Variants in HAUS7 observed in about 807,000 individuals in gnomAD.
The protein encoded by HAUS7 is HAUS augmin-like complex subunit 7.
HAUS7 carries 3 observed loss-of-function variants against 28.4 expected under a neutral mutation model. The observed-to-expected ratio is 0.11, with a 90% confidence interval of 0.05 to 0.27. The LOEUF (loss-of-function observed/expected upper bound fraction) is 0.27. HAUS7 is among the 10% of genes least tolerant of loss of function. The probability of loss-of-function intolerance (pLI) is 1.00; values close to 1 mark genes in which losing one functional copy is unlikely to be tolerated. For missense variants in HAUS7, 284 were observed against 297.3 expected, an observed-to-expected ratio of 0.96 and a Z score of 0.33; for synonymous variants, 165 against 132.1, an observed-to-expected ratio of 1.25 and a Z score of -1.71.
At chrX:153,490,403 C>T (rs1440043679) in intron 1 of HAUS7, among the ~76,000 whole-genome samples, 2 of 112,954 alleles carry the variant, frequency 1.8e-5, no homozygotes, top group African/African-American at 6.4e-5. Context: ...AGCCACACCT[C>T]GGCCATCCAG....
intron 1 of HAUS7, among the ~76,000 whole-genome samples, chrX:153,470,035 C>T (rs958476301): frequency 1.8e-5 from 2 of 111,874 alleles, no homozygotes; most frequent in Non-Finnish European, 3.8e-5. Context: ...AGGCTATCAC[C>T]CCTGGCATCT....
chrX:153,447,886 C>G lies in HAUS7; in HGVS notation c.1069G>C (p.Glu357Gln). The G allele has an allele frequency of 8.3e-7, 1 of 1,203,163 alleles. No individual in the cohort carries two copies. Among genetic ancestry groups the G allele is most frequent in the Non-Finnish European group, 1.1e-6 (1 of 887,415 alleles). ...SLATKMNELMEK is the reference protein window; with the variant it reads ...SLATKMNELMQK ...CCATCACTGAAGACTTTCTATTTCTCCATTAGTTCATTCATCTTGGTAGCT... is the reference window on the plus strand; with the variant it reads ...CCATCACTGAAGACTTTCTATTTCTGCATTAGTTCATTCATCTTGGTAGCT... The change falls in exon 10 of 10, where the codon GAG becomes CAG. Residue 357 changes from glutamate to glutamine, a missense_variant. By Grantham distance (29) the Glu-to-Gln change is conservative (BLOSUM62 2). Transcript: ENST00000370211.
chrX:153,490,736 G>C (rs782026649), intron 1 of HAUS7, among the ~76,000 whole-genome samples: 18 of 112,780 alleles, frequency 1.6e-4, no homozygotes, highest in Non-Finnish European at 3.2e-4. Context: ...GTGAGTGACA[G>C]GTCCCTGGAT....
chrX:153,470,831 GAAGGAGGCGGGGCGGACACCGGGA>G (rs1556985124), upstream of HAUS7: 2 of 414,129 alleles, frequency 4.8e-6, no homozygotes, highest in South Asian at 2.8e-5. Flanking sequence ...CGGACACCGG[GAAGGAGGCGGGGCGGACACCGGGA>G]AAGGGGCGGG....
At chrX:153,475,165 A>T (rs1226727537), upstream of HAUS7, among the ~76,000 whole-genome samples, 1 of 112,472 alleles carries the variant, frequency 8.9e-6, no homozygotes, top group African/African-American at 3.2e-5. Context: ...CAGCGAAGCC[A>T]CGCTATGGGC....
chrX:153,456,465 T>C (rs182068170), intron 6 of HAUS7, 28 bp downstream of exon 6: 50 of 1,176,605 alleles, frequency 4.2e-5, no homozygotes, highest in Non-Finnish European at 5.6e-5. Context: ...GCCAGGGTGC[T>C]GCCACTGAGG....
chrX:153,452,599 C>A (rs1167465045), intron 9 of HAUS7, among the ~76,000 whole-genome samples: 4 of 112,483 alleles, frequency 3.6e-5, no homozygotes, highest in Non-Finnish European at 7.5e-5. Context: ...TTTCTGTATA[C>A]TATTGAAATT....
chrX:153,454,519 AGGG>A lies in HAUS7; in HGVS notation c.931-14_931-12del. The A allele has an allele frequency of 1.6e-5, 1 of 62,003 alleles. No individual in the cohort carries two copies. Among genetic ancestry groups the A allele is most frequent in the South Asian group, 1.5e-4 (1 of 6,850 alleles). The allele number at this position is 62,003 out of a possible 1,213,427, so 5.1% of individuals were successfully genotyped here. On this transcript the variant is annotated splice_polypyrimidine_tract_variant and intron_variant, in intron 8 of 9. Transcript: ENST00000370211. ...GACCACTTGCAGCAGCTGGGGAGGG[AGGG>A]AGGGAGGGAGGGAGGGAGGGAGGGA...
Position 153,455,552 on chromosome X carries a change from G to A in HAUS7, c.920C>T (p.Ser307Phe). 1 of 1,193,830 alleles carries A rather than the reference G, an allele frequency of 8.4e-7. No individual in the cohort carries two copies. The highest frequency in any genetic ancestry group is 1.1e-6 in the Non-Finnish European group (1 of 879,724). ...IIQATHQNLT[S>F]YSQLLQVVMA... ...GAAGGGCACCCTTACTTGGCTGTAG[G>A]AAGTCAGATTCTGGTGCGTGGCCTG... Residue 307 changes from serine to phenylalanine, a missense_variant, in exon 8 of 10, where the codon TCC becomes TTC. Ser to Phe is a radical substitution (Grantham distance 155). Coordinates refer to ENST00000370211, the MANE Select transcript of HAUS7 (RefSeq NM_001385482.1).
chrX:153,489,693 G>A (rs1053529234), intron 1 of HAUS7, among the ~76,000 whole-genome samples: 7 of 112,329 alleles, frequency 6.2e-5, no homozygotes, highest in Non-Finnish European at 1.1e-4. Flanking sequence ...CTGTGTCTCC[G>A]GCCTGAGACC....
intron 1 of HAUS7, among the ~76,000 whole-genome samples, chrX:153,492,441 C>T (rs932377721): frequency 2.9e-4 from 32 of 111,884 alleles, no homozygotes; most frequent in African/African-American, 1.0e-3. Context: ...CCGAGTGACT[C>T]GGTGGGCCCC....
At chrX:153,484,270 TC>T (rs1452426975) in intron 1 of HAUS7, among the ~76,000 whole-genome samples, 39 of 112,484 alleles carry the variant, frequency 3.5e-4, no homozygotes, top group African/African-American at 1.1e-3. Context: ...CTCGACATCC[TC>T]CCCTGCAATC....
intron 7 of HAUS7, 138 bp downstream of exon 7, chrX:153,456,127 C>T (rs1224997233): frequency 2.0e-6 from 1 of 505,299 alleles, no homozygotes; most frequent in Non-Finnish European, 3.4e-6. Flanking sequence ...CACCTCCCCG[C>T]GGACTGAGCA....
intron 1 of HAUS7, among the ~76,000 whole-genome samples, chrX:153,477,295 A>C (rs920963186): frequency 8.8e-6 from 1 of 113,372 alleles, no homozygotes; most frequent in African/African-American, 3.2e-5. Flanking sequence ...AGCGGCGCAA[A>C]CAGGGGAAAT....
intron 2 of HAUS7, among the ~76,000 whole-genome samples, chrX:153,468,065 G>A (rs781956563): frequency 2.0e-4 from 23 of 112,472 alleles, no homozygotes; most frequent in Non-Finnish European, 4.1e-4. Context: ...GAGCCCTGGG[G>A]AGAGGCCTGA....
chrX:153,489,236 G>C (rs1171213504), intron 1 of HAUS7, among the ~76,000 whole-genome samples: 8 of 112,528 alleles, frequency 7.1e-5, no homozygotes, highest in Non-Finnish European at 1.3e-4. Flanking sequence ...TGGGAGGGCT[G>C]GTCAGAGTCT....
Position 153,454,579 on chromosome X carries a change from G to A in HAUS7, c.931-71C>T, listed in dbSNP as rs1296522853. 9 of 608,006 alleles carry A rather than the reference G, an allele frequency of 1.5e-5. No homozygotes were observed. In the East Asian group the frequency reaches 1.8e-4, roughly 12 times the overall value. The allele number at this position is 608,006 out of a possible 1,213,427, so 50.1% of individuals were successfully genotyped here. ...AGGCACTAAATGCCGCTGGTCTCACGTAGCGACGGCATCTCCTGCTTCCCA... is the reference window on the plus strand; with the variant it reads ...AGGCACTAAATGCCGCTGGTCTCACATAGCGACGGCATCTCCTGCTTCCCA... On this transcript the variant is annotated intron_variant, in intron 8 of 9. Transcript: ENST00000370211.
Position 153,469,181 on chromosome X carries a change from C to T in HAUS7, c.189G>A (p.Glu63=). The change falls in exon 2 of 10, where the codon GAG becomes GAA. Residue 63 remains glutamate, a synonymous_variant. Coordinates refer to ENST00000370211, the MANE Select transcript of HAUS7 (RefSeq NM_001385482.1). ...TIQELLCSPS[E]YRLEILEWMC... is the part of the protein sequence containing the mutation. ...TCCACTCTAGGATCTCCAAGCGGTACTCTGAGGGGCTGCACAGCAGTTCCT... is the reference window on the plus strand; with the variant it reads ...TCCACTCTAGGATCTCCAAGCGGTATTCTGAGGGGCTGCACAGCAGTTCCT... 1.7e-6 allele frequency: 2 copies of T among 1,187,788 alleles called. No individual in the cohort carries two copies. Among genetic ancestry groups the T allele is most frequent in the Non-Finnish European group, 2.3e-6 (2 of 873,271 alleles).
chrX:153,477,143 C>G (rs1367643542), intron 1 of HAUS7, among the ~76,000 whole-genome samples: 4 of 113,392 alleles, frequency 3.5e-5, no homozygotes, highest in Non-Finnish European at 7.5e-5. Context: ...CCAGGCCTCA[C>G]CCCTTCCTGC....
Sources: allele counts gnomAD v4.1 joint callset (sites outside exome capture counted in the v4.1 genomes callset), GRCh38; gene constraint gnomAD v4.1.1; transcripts MANE v1.5; gene names NCBI Gene and HGNC (gene_info 2026-07-23, HGNC 2026-07-21).